The following MFSD6 variants were observed in gnomAD, a reference collection of about 807,000 sequenced individuals.
MFSD6 encodes the protein major facilitator superfamily domain-containing protein 6.
MFSD6 carries 26 observed loss-of-function variants against 56.3 expected under a neutral mutation model. That is an observed-to-expected ratio of 0.46 (90% confidence interval 0.34 to 0.64). MFSD6 has a LOEUF of 0.64. Among genes scored for constraint, MFSD6 ranks in the 30% least tolerant of loss-of-function variants. MFSD6 has a pLI of 0.01. For synonymous variants in MFSD6, 331 were observed against 366.9 expected (o/e 0.90, Z 1.12); for missense variants, 750 against 986.2 (o/e 0.76, Z 3.21).
Position 190,436,385 on chromosome 2 carries a change from C to T in MFSD6, c.356C>T (p.Pro119Leu). ...TACTTCATTGAATTCTGCAGTGCCC[C>T]CTTTTGGGGTGTAGTTGCAGACCGC... is the stretch of plus-strand genomic sequence containing the variant. ...IRYFIEFCSA[P>L]FWGVVADRFK... Residue 119 changes from proline to leucine, a missense_variant, in exon 3 of 8, where the codon CCC becomes CTC. Coordinates refer to ENST00000392328, the MANE Select transcript of MFSD6 (RefSeq NM_017694.4). This position sits in a 1 kb window ranked among gnomAD's most constrained non-coding sequence, Gnocchi z 5.3. The T allele has an allele frequency of 6.2e-7, 1 of 1,614,170 alleles. No individual in the cohort carries two copies. Among genetic ancestry groups the T allele is most frequent in the Non-Finnish European group, 8.5e-7 (1 of 1,180,022 alleles).
rs142053819 is a variant in MFSD6 at position 190,488,715 on chromosome 2, C to G, written c.1689C>G (p.Pro563=). 1.3e-5 allele frequency: 21 copies of G among 1,608,162 alleles called. No homozygotes were observed. The African/African-American group carries it at 1.9e-4, about 14-fold the overall frequency. Residue 563 remains proline (P), a synonymous_variant, in exon 5 of 8, where the codon CCC becomes CCG. Coordinates refer to ENST00000392328, the MANE Select transcript of MFSD6 (RefSeq NM_017694.4). This position sits in a 1 kb window ranked among gnomAD's most constrained non-coding sequence, Gnocchi z 6.4. ...ACISYLSAAV[P]PELRTSAQGI... ...TTTCTTACCTCAGTGCAGCCGTTCC[C>G]CCTGAGCTGAGGACATCTGCTCAGG...
intron 2 of MFSD6, among the ~76,000 whole-genome samples, chr2:190,427,885 C>T (rs1291594550): frequency 6.6e-6 from 1 of 152,186 alleles, no homozygotes; most frequent in East Asian, 1.9e-4. Flanking sequence ...GTGCCTGCCA[C>T]CATGCCCAGC....
Position 190,431,184 on chromosome 2 carries a change from G to A in MFSD6, c.-53-4793G>A, listed in dbSNP as rs1375541975. ...GAGACGCTCCTCACTTCCCAGATGGGATGGTGGCCGGGAAGAGGCGCTCCT... is the reference window on the plus strand; with the variant it reads ...GAGACGCTCCTCACTTCCCAGATGGAATGGTGGCCGGGAAGAGGCGCTCCT... On this transcript the variant is annotated intron_variant, in intron 2 of 7. Transcript: ENST00000392328. This position sits in a 1 kb window ranked among gnomAD's most constrained non-coding sequence, Gnocchi z 4.4. 1.3e-5 allele frequency among the ~76,000 whole-genome samples: 2 copies of A among 151,752 alleles called. No individual in the cohort carries two copies. The highest frequency in any genetic ancestry group is 2.1e-4 in the South Asian group (1 of 4,810).
rs147604967 is a variant in MFSD6, at chr2:190,497,541, T to C, written c.1994T>C (p.Ile665Thr). 2.5e-6 allele frequency: 4 copies of C among 1,614,218 alleles called. No individual in the cohort carries two copies. The highest frequency in any genetic ancestry group is 2.7e-5 in the African/African-American group (2 of 75,058). Reference protein sequence around the residue: ...QQQTEDVMPRIEPRLPPKKTK... With the variant: ...QQQTEDVMPRTEPRLPPKKTK... Reference sequence around the variant, plus strand: ...CAGACAGAAGATGTCATGCCACGCATTGAGCCCAGACTTCCACCCAAGAAA... The same window carrying C: ...CAGACAGAAGATGTCATGCCACGCACTGAGCCCAGACTTCCACCCAAGAAA... The change falls in exon 7 of 8, where the codon ATT (isoleucine) becomes ACT (threonine). Residue 665 changes from isoleucine (I) to threonine (T), a missense_variant. By Grantham distance (89) the Ile-to-Thr change is moderately conservative. Transcript: ENST00000392328. This position sits in a 1 kb window ranked among gnomAD's most constrained non-coding sequence, Gnocchi z 5.2.
chr2:190,480,622 T>C (rs1688607124), intron 4 of MFSD6, among the ~76,000 whole-genome samples: 2 of 152,214 alleles, frequency 1.3e-5, no homozygotes, highest in Admixed American at 6.5e-5. Context: ...TACCAAAATA[T>C]GCAATAATCC....
rs764843558 is a variant in MFSD6 at position 190,500,807 on chromosome 2, A to G, written c.*589A>G. On this transcript the variant is annotated 3_prime_UTR_variant, in exon 8 of 8. Coordinates refer to ENST00000392328, the MANE Select transcript of MFSD6 (RefSeq NM_017694.4). The surrounding 1 kb of genome is among the most constrained non-coding windows in gnomAD (Gnocchi z 5.3). ...TTAAAAGTTTCATCAGAAACTTTAC[A>G]TATCTTTAGCAAATATATTTTTATA... 1.3e-5 allele frequency: 2 copies of G among 152,856 alleles called. No individual in the cohort carries two copies. The highest frequency in any genetic ancestry group is 2.9e-5 in the Non-Finnish European group (2 of 68,538). 9.5% of individuals were successfully genotyped at this position (152,856 alleles called of 1,614,324 possible).
intron 4 of MFSD6, chr2:190,477,163 C>G: frequency 1.4e-6 from 1 of 697,340 alleles, no homozygotes; most frequent in Non-Finnish European, 1.8e-6. Context: ...ATGTAACAAA[C>G]CTGCACGTTG....
chr2:190,480,353 A>C (rs1017588458), intron 4 of MFSD6, among the ~76,000 whole-genome samples: 2 of 151,598 alleles, frequency 1.3e-5, no homozygotes, highest in Admixed American at 1.3e-4. Flanking sequence ...TGTTTAATTC[A>C]TTTTTCAGCC....
In MFSD6 at chr2:190,423,521, A is replaced by G. The variant is rs1685698354; in HGVS notation, c.-54+8108A>G. Among the ~76,000 whole-genome samples, 2 of 152,154 alleles carry G rather than the reference A, an allele frequency of 1.3e-5. No individual in the cohort carries two copies. Among genetic ancestry groups the G allele is most frequent in the East Asian group, 3.8e-4 (2 of 5,198 alleles). On this transcript the variant is annotated intron_variant, in intron 2 of 7. Coordinates refer to ENST00000392328, the MANE Select transcript of MFSD6 (RefSeq NM_017694.4). This position sits in a 1 kb window ranked among gnomAD's most constrained non-coding sequence, Gnocchi z 4.3. ...AGTAAAGCTGTAGTACAATTTGTTT[A>G]ATTAGTCCTTCCATCCTTTGAAGGG...
At position 190,447,598 on chromosome 2, in the gene MFSD6, A is replaced by G. The variant is rs759958926; in HGVS notation, c.1532+10037A>G. The stretch of plus-strand genomic sequence containing the variant: ...TTCTTAGTGCCACGTTTTAGGCATT[A>G]TAAGCTACTATCTTCATAATAGCTG... On this transcript the variant is annotated intron_variant, in intron 3 of 7. Coordinates refer to ENST00000392328, the MANE Select transcript of MFSD6 (RefSeq NM_017694.4). The surrounding 1 kb of genome is among the most constrained non-coding windows in gnomAD (Gnocchi z 4.5). Among the ~76,000 whole-genome samples the G allele has an allele frequency of 4.3e-4, 66 of 152,368 alleles. 1 individual carries two copies. The highest frequency in any genetic ancestry group is 7.6e-4 in the Non-Finnish European group (52 of 68,034).
chr2:190,422,089 C>G (rs1414821455), intron 2 of MFSD6, among the ~76,000 whole-genome samples: 3 of 152,142 alleles, frequency 2.0e-5, no homozygotes, highest in Non-Finnish European at 4.4e-5. Flanking sequence ...ATGTAGTAAA[C>G]TGCATTTTTT....
chr2:190,430,954 G>A (rs1344827980), intron 2 of MFSD6, among the ~76,000 whole-genome samples: 5 of 148,692 alleles, frequency 3.4e-5, no homozygotes, highest in East Asian at 2.1e-4. Context: ...CAGACGGGGC[G>A]GCTGCTGGGT....
At position 190,490,562 on chromosome 2, in the gene MFSD6, C is replaced by CAAAAAAAAAACA. The variant is rs1559142049; in HGVS notation, c.1891+702_1891+713dup. Among the ~76,000 whole-genome samples, 1 of 144,092 alleles carries CAAAAAAAAAACA rather than the reference C, an allele frequency of 6.9e-6. No homozygotes were observed. Among genetic ancestry groups the CAAAAAAAAAACA allele is most frequent in the African/African-American group, 2.6e-5 (1 of 38,934 alleles). 94.5% of individuals were successfully genotyped at this position (144,092 alleles called of 152,430 possible). On this transcript the variant is annotated intron_variant, in intron 6 of 7. Transcript: ENST00000392328. This position sits in a 1 kb window ranked among gnomAD's most constrained non-coding sequence, Gnocchi z 4.5. ...TGGGGGAACGAGCAAGACTCCCTCT[C>CAAAAAAAAAACA]AAAAAAAAAACAAAAAACAAAGACA... is the stretch of plus-strand genomic sequence containing the variant.
intron 4 of MFSD6, among the ~76,000 whole-genome samples, chr2:190,473,016 C>G (rs950496615): frequency 1.3e-5 from 2 of 152,134 alleles, no homozygotes; most frequent in African/African-American, 2.4e-5. Context: ...AAATAAAATA[C>G]TTTACAGACA....
chr2:190,486,846 G>A (rs1397600375), intron 4 of MFSD6, among the ~76,000 whole-genome samples: 1 of 152,184 alleles, frequency 6.6e-6, no homozygotes, highest in Non-Finnish European at 1.5e-5. Flanking sequence ...TATAAAACCT[G>A]TTGTGACAAT....
chr2:190,432,364 C>G (rs772276695), intron 2 of MFSD6, among the ~76,000 whole-genome samples: 4 of 152,200 alleles, frequency 2.6e-5, no homozygotes, highest in Non-Finnish European at 5.9e-5. Flanking sequence ...CAGCATGGCA[C>G]CGTTTACAAC....
At chr2:190,422,861 G>T (rs544157629) in intron 2 of MFSD6, among the ~76,000 whole-genome samples, 1 of 151,686 alleles carries the variant, frequency 6.6e-6, no homozygotes, top group South Asian at 2.1e-4. Flanking sequence ...TGCTATATCT[G>T]TCTCATTTTT....
rs1574248619 is a variant in MFSD6 at position 190,489,928 on chromosome 2, G to A, written c.1891+62G>A. ...TTCAGGCCATGGGAAGTCAACAAAT[G>A]CCCCGAGAAGCCTAGAAGTGGTACA... On this transcript the variant is annotated intron_variant, in intron 6 of 7. Coordinates refer to ENST00000392328, the MANE Select transcript of MFSD6 (RefSeq NM_017694.4). The surrounding 1 kb of genome is among the most constrained non-coding windows in gnomAD (Gnocchi z 6.6). 2 of 1,319,000 alleles carry A rather than the reference G, an allele frequency of 1.5e-6. No homozygotes were observed. Among genetic ancestry groups the A allele is most frequent in the Non-Finnish European group, 2.0e-6 (2 of 984,780 alleles). The allele number at this position is 1,319,000 out of a possible 1,614,324, so 81.7% of individuals were successfully genotyped here.
rs1427259775 is a variant in MFSD6, at chr2:190,463,685, T to C, written c.1533-6073T>C. On this transcript the variant is annotated intron_variant, in intron 3 of 7. Transcript: ENST00000392328. This position sits in a 1 kb window ranked among gnomAD's most constrained non-coding sequence, Gnocchi z 4.4. ...AAAATCAAAAGTTAGCTTGGCGTGA[T>C]GGTGCACACCTGTAGTCCCAGCTAC... 1.3e-5 allele frequency: 2 copies of C among 158,776 alleles called. No homozygotes were observed. Among genetic ancestry groups the C allele is most frequent in the Non-Finnish European group, 2.7e-5 (2 of 74,218 alleles). The allele number at this position is 158,776 out of a possible 1,614,324, so 9.8% of individuals were successfully genotyped here.
Sources: allele counts gnomAD v4.1 joint callset (sites outside exome capture counted in the v4.1 genomes callset), GRCh38; gene constraint gnomAD v4.1.1; non-coding constraint Gnocchi (gnomAD v3.1); transcripts MANE v1.5; gene names NCBI Gene and HGNC (gene_info 2026-07-23, HGNC 2026-07-21).